Variants in PARVB observed in about 807,000 individuals in gnomAD.
The protein encoded by PARVB is beta-parvin.
PARVB carries 46 observed loss-of-function variants against 47.0 expected under a neutral mutation model. The observed-to-expected ratio is 0.98, with a 90% CI of 0.77 to 1.25. The LOEUF (loss-of-function observed/expected upper bound fraction) is 1.25, where lower values mean the gene tolerates loss of function less well. Ranked by LOEUF, PARVB falls within the 50% of genes most tolerant of loss-of-function variation. The pLI, the probability that PARVB is intolerant of heterozygous loss-of-function variation, is 0.00. For synonymous variants in PARVB, 196 were observed against 196.3 expected, an observed-to-expected ratio of 1.00 and a Z score of 0.01; for missense variants, 473 against 471.6, an observed-to-expected ratio of 1.00 and a Z score of -0.03.
At chr22:44,056,209 T>TTTACTC (rs1569080778) in intron 1 of PARVB, among the ~76,000 whole-genome samples, 5 of 152,138 alleles carry the variant, frequency 3.3e-5, no homozygotes, top group African/African-American at 1.2e-4. Context: ...CCCATTTACT[T>TTTACTC]GGGGCACCGC....
chr22:44,071,652 C>G (rs1427889467), intron 1 of PARVB, among the ~76,000 whole-genome samples: 1 of 152,152 alleles, frequency 6.6e-6, no homozygotes, highest in Admixed American at 6.5e-5. Context: ...GAGTTTGTCA[C>G]CTCCTTCCAA....
At chr22:44,087,918 G>A (rs1039941445) in intron 1 of PARVB, among the ~76,000 whole-genome samples, 4 of 143,002 alleles carry the variant, frequency 2.8e-5, no homozygotes, top group Admixed American at 1.5e-4. Context: ...TTTGGAAGCC[G>A]CACATATTCC....
chr22:44,088,727 C>T (rs998898607), intron 1 of PARVB, among the ~76,000 whole-genome samples: 1 of 152,184 alleles, frequency 6.6e-6, no homozygotes, highest in African/African-American at 2.4e-5. Context: ...CCACCTTGGC[C>T]TCCCAGAGTG....
chr22:44,117,346 G>A (rs2052931412), intron 3 of PARVB, among the ~76,000 whole-genome samples: 1 of 151,886 alleles, frequency 6.6e-6, no homozygotes, highest in Non-Finnish European at 1.5e-5. Context: ...GGTGAAGGAG[G>A]AGGGCAGGAA....
intron 3 of PARVB, 25 bp downstream of exon 3, chr22:44,100,148 A>G: frequency 6.3e-7 from 1 of 1,591,072 alleles, no homozygotes; most frequent in Non-Finnish European, 8.6e-7. Context: ...CTTGGTTGGA[A>G]TCTTCCTCTT....
intron 1 of PARVB, among the ~76,000 whole-genome samples, chr22:44,061,431 AAAAACAAAACAAAAC>A (rs137915447): frequency 1.9e-4 from 28 of 149,946 alleles, no homozygotes; most frequent in African/African-American, 2.7e-4. Flanking sequence ...ACTTCATCTC[AAAAACAAAACAAAAC>A]AAAACAAAAC....
In PARVB at chr22:44,138,324, G is replaced by C. The variant is rs2053483163; in HGVS notation, c.693-1800G>C. On this transcript the variant is annotated intron_variant, in intron 7 of 12. Transcript: ENST00000338758. ...GGAGCACCCCAAAGTCAGGGAAGGG[G>C]AGATTTCAGTGAAAGCCACCTCAAT... is the stretch of plus-strand genomic sequence containing the variant. 2.6e-5 allele frequency among the ~76,000 whole-genome samples: 4 copies of C among 152,166 alleles called. No homozygotes were observed. In the South Asian group the frequency reaches 8.3e-4, roughly 32 times the overall value.
intron 4 of PARVB, chr22:44,119,851 G>A (rs762911167): frequency 9.4e-6 from 5 of 531,572 alleles, no homozygotes; most frequent in South Asian, 5.6e-5. Flanking sequence ...AGTAGAGGAC[G>A]CCGGCCTGGC....
chr22:44,024,888 T>C (rs1224940434), intron 1 of PARVB, among the ~76,000 whole-genome samples: 5 of 152,160 alleles, frequency 3.3e-5, no homozygotes, highest in Non-Finnish European at 7.4e-5. Context: ...GCGGGCGCCC[T>C]GCAGGGTGCG....
At chr22:44,077,561 G>T (rs1025315131) in intron 1 of PARVB, among the ~76,000 whole-genome samples, 1 of 152,124 alleles carries the variant, frequency 6.6e-6, no homozygotes, top group Admixed American at 6.5e-5. Flanking sequence ...CTTCCAGACC[G>T]CCAGACAACA....
intron 1 of PARVB, among the ~76,000 whole-genome samples, chr22:44,079,927 CA>C (rs997344069): frequency 4.0e-5 from 6 of 151,772 alleles, no homozygotes; most frequent in Non-Finnish European, 5.9e-5. Flanking sequence ...GACTCCTTCT[CA>C]AAAAAAACAT....
intron 1 of PARVB, among the ~76,000 whole-genome samples, chr22:44,042,632 A>G (rs1444054625): frequency 6.6e-6 from 1 of 152,220 alleles, no homozygotes; most frequent in East Asian, 1.9e-4. Context: ...ATTTATCTGG[A>G]AAACATATTA....
At position 44,089,943 on chromosome 22, in the gene PARVB, G is replaced by A. The variant is rs987608823; in HGVS notation, c.113-3985G>A. 9.2e-5 allele frequency among the ~76,000 whole-genome samples: 14 copies of A among 152,288 alleles called. No individual in the cohort carries two copies. Among genetic ancestry groups the A allele is most frequent in the Admixed American group, 8.5e-4 (13 of 15,300 alleles). On this transcript the variant is annotated intron_variant, in intron 1 of 12. Coordinates refer to ENST00000338758, the MANE Select transcript of PARVB (RefSeq NM_013327.5). This position sits in a 1 kb window ranked among gnomAD's most constrained non-coding sequence, Gnocchi z 4.0. ...TCCAGGAAGCCCTCCATGCTTCTCT[G>A]TGGAATAGGGGACCTCGCCTGCCTT...
intron 2 of PARVB, among the ~76,000 whole-genome samples, chr22:44,011,735 A>G (rs1003005931): frequency 2.0e-5 from 3 of 152,026 alleles, no homozygotes; most frequent in African/African-American, 7.2e-5. Flanking sequence ...GGCCACAGCA[A>G]TGTTCTCATG....
At chr22:44,119,228 C>A in intron 4 of PARVB, 88 bp downstream of exon 4, 2 of 893,014 alleles carry the variant, frequency 2.2e-6, no homozygotes, top group Non-Finnish European at 1.9e-6. Context: ...ATAGTGACAT[C>A]GGCCACAGGT....
At chr22:44,048,377 G>A (rs181261030) in intron 1 of PARVB, among the ~76,000 whole-genome samples, 271 of 151,928 alleles carry the variant, frequency 1.8e-3, no homozygotes, top group African/African-American at 6.2e-3. Flanking sequence ...AATTTCGCTC[G>A]AATTTTTTTT....
intron 1 of PARVB, chr22:44,039,857 C>T (rs1388192455): frequency 2.2e-6 from 1 of 455,678 alleles, no homozygotes; most frequent in Admixed American, 2.4e-5. Flanking sequence ...CTCTGATGCC[C>T]AGGCTGAAGT....
At chr22:44,112,540 A>G (rs2052725465) in intron 3 of PARVB, 1 of 152,554 alleles carries the variant, frequency 6.6e-6, no homozygotes, top group Non-Finnish European at 1.5e-5. Flanking sequence ...CTCTGCTCAG[A>G]TGCCGCCTGA....
intron 3 of PARVB, chr22:44,105,391 C>CT (rs1226292415): frequency 6.6e-6 from 1 of 152,258 alleles, no homozygotes; most frequent in Non-Finnish European, 1.5e-5. Context: ...CGTACCTGGT[C>CT]TTTGGACTTT....
Sources: allele counts gnomAD v4.1 joint callset (sites outside exome capture counted in the v4.1 genomes callset), GRCh38; gene constraint gnomAD v4.1.1; non-coding constraint Gnocchi (gnomAD v3.1); transcripts MANE v1.5; gene names NCBI Gene and HGNC (gene_info 2026-07-23, HGNC 2026-07-21).